MAL: variants seen among roughly 807,000 people sequenced by gnomAD.
MAL encodes the protein myelin and lymphocyte protein.
Under a neutral mutation model 16.7 loss-of-function variants are expected in MAL, and 5 were observed. The observed-to-expected ratio is 0.30, with a 90% confidence interval of 0.16 to 0.63. The LOEUF (loss-of-function observed/expected upper bound fraction) is 0.63. MAL is among the 30% of genes least tolerant of loss of function. The probability of loss-of-function intolerance (pLI) is 0.82; values close to 1 mark genes in which losing one functional copy is unlikely to be tolerated. For missense variants in MAL, 202 were observed against 195.8 expected, an observed-to-expected ratio of 1.03 and a Z score of -0.19; for synonymous variants, 96 against 85.5, an observed-to-expected ratio of 1.12 and a Z score of -0.67.
At chr2:95,037,743 GGTGA>G (rs549327751) in intron 1 of MAL, among the ~76,000 whole-genome samples, 1,262 of 92,450 alleles carry the variant, frequency 0.014, 9 homozygotes, top group Non-Finnish European at 0.021. Context: ...TGACTGAGTG[GGTGA>G]GTGAGTGACT....
rs138435313 is a variant in MAL at position 95,025,813 on chromosome 2, G to T, written c.21G>T (p.Thr7=). 4.7e-5 allele frequency: 74 copies of T among 1,561,458 alleles called. No homozygotes were observed. In the Admixed American group the frequency reaches 6.1e-4, roughly 13 times the overall value. ...CCGTCATGGCCCCCGCAGCGGCGACGGGGGGCAGCACCCTGCCCAGTGGCT... is the reference window on the plus strand; with the variant it reads ...CCGTCATGGCCCCCGCAGCGGCGACTGGGGGCAGCACCCTGCCCAGTGGCT... MAPAAA[T]GGSTLPSGFS... is the part of the protein sequence containing the mutation. Residue 7 remains threonine, a synonymous_variant, in exon 1 of 4, where the codon ACG becomes ACT. Coordinates refer to ENST00000309988, the MANE Select transcript of MAL (RefSeq NM_002371.4). The surrounding 1 kb of genome is among the most constrained non-coding windows in gnomAD (Gnocchi z 5.6).
intron 1 of MAL, among the ~76,000 whole-genome samples, chr2:95,029,128 A>G (rs1172387778): frequency 6.6e-6 from 1 of 152,230 alleles, no homozygotes; most frequent in Non-Finnish European, 1.5e-5. Flanking sequence ...TTTAACAGAC[A>G]CCTACATAAT....
At chr2:95,039,945 T>C (rs1425233338) in intron 1 of MAL, among the ~76,000 whole-genome samples, 1 of 152,140 alleles carries the variant, frequency 6.6e-6, no homozygotes, top group Non-Finnish European at 1.5e-5. Flanking sequence ...CCGCAGGACT[T>C]TGCGGAAGCC....
Position 95,053,509 on chromosome 2 carries a change from C to G in MAL, c.*54C>G. On this transcript the variant is annotated 3_prime_UTR_variant, in exon 4 of 4. Coordinates refer to ENST00000309988, the MANE Select transcript of MAL (RefSeq NM_002371.4). The stretch of plus-strand genomic sequence containing the variant: ...CAGATGGTGTTAACTGGCCGCCCCA[C>G]TTTCCGGCATAACTTTTTAGAAAAC... 7.4e-7 allele frequency: 1 copy of G among 1,358,220 alleles called. No homozygotes were observed. The highest frequency in any genetic ancestry group is 1.1e-6 in the Non-Finnish European group (1 of 948,332). 84.1% of individuals were successfully genotyped at this position (1,358,220 alleles called of 1,614,324 possible).
chr2:95,049,157 A>AGCTGGGTG (rs1674656456), intron 2 of MAL, among the ~76,000 whole-genome samples: 1 of 152,170 alleles, frequency 6.6e-6, no homozygotes, highest in South Asian at 2.1e-4. Context: ...AAAAATAAGC[A>AGCTGGGTG]ATGAAACAAA....
At chr2:95,039,543 A>G (rs1674388020) in intron 1 of MAL, among the ~76,000 whole-genome samples, 1 of 148,674 alleles carries the variant, frequency 6.7e-6, no homozygotes, top group African/African-American at 2.5e-5. Flanking sequence ...TGGGTGAGTG[A>G]GTGACTTGGT....
At chr2:95,044,943 A>G (rs967279558) in intron 1 of MAL, among the ~76,000 whole-genome samples, 1 of 152,228 alleles carries the variant, frequency 6.6e-6, no homozygotes, top group Non-Finnish European at 1.5e-5. Context: ...GTGGAGTGAG[A>G]TGACTCTGCA....
chr2:95,048,401 C>T (rs963717565), intron 2 of MAL, among the ~76,000 whole-genome samples: 5 of 152,164 alleles, frequency 3.3e-5, no homozygotes, highest in African/African-American at 1.2e-4. Context: ...AGCCCCCACA[C>T]CACCTGTACC....
chr2:95,040,384 C>T (rs1276068868), intron 1 of MAL, among the ~76,000 whole-genome samples: 2 of 152,088 alleles, frequency 1.3e-5, no homozygotes, highest in African/African-American at 4.8e-5. Flanking sequence ...TGCACATATA[C>T]ACAAGCATAC....
chr2:95,031,493 A>G (rs1252655059), intron 1 of MAL, among the ~76,000 whole-genome samples: 4 of 152,220 alleles, frequency 2.6e-5, no homozygotes, highest in Non-Finnish European at 5.9e-5. Flanking sequence ...TGGAGCGGAC[A>G]TCTCGAGGCC....
At chr2:95,042,653 A>G (rs1481963751) in intron 1 of MAL, among the ~76,000 whole-genome samples, 1 of 152,210 alleles carries the variant, frequency 6.6e-6, no homozygotes, top group Non-Finnish European at 1.5e-5. Flanking sequence ...AAGTCTGGCC[A>G]GTTGGCAGAA....
rs1171944690 is a variant in MAL at position 95,032,585 on chromosome 2, T to G, written c.93+6700T>G. On this transcript the variant is annotated intron_variant, in intron 1 of 3. Coordinates refer to ENST00000309988, the MANE Select transcript of MAL (RefSeq NM_002371.4). ...TGAGGACAGTGGGGGACTGTGCCCC[T>G]TGTCCTTGAAGCAGGAACGTTCTGG... Among the ~76,000 whole-genome samples, 4 of 152,208 alleles carry G rather than the reference T, an allele frequency of 2.6e-5. No homozygotes were observed. In the East Asian group the frequency reaches 7.7e-4, roughly 29 times the overall value.
intron 1 of MAL, among the ~76,000 whole-genome samples, chr2:95,029,671 C>T (rs540023168): frequency 7.9e-4 from 120 of 152,238 alleles, no homozygotes; most frequent in African/African-American, 2.5e-3. Flanking sequence ...ATCACATTGC[C>T]GTCCAAAAGA....
rs1326762853 is a variant in MAL, at chr2:95,049,562, C to T, written c.262-19C>T. On this transcript the variant is annotated intron_variant, in intron 2 of 3. Transcript: ENST00000309988. ...CGTCTCTCTCTCCCCATCCCTCTGA[C>T]ACCCCGTCTGCCCCATAGGACGCAG... 5 of 1,613,874 alleles carry T rather than the reference C, an allele frequency of 3.1e-6. No individual in the cohort carries two copies. The highest frequency in any genetic ancestry group is 2.7e-5 in the African/African-American group (2 of 75,062).
Position 95,025,997 on chromosome 2 carries a change from T to G in MAL, c.93+112T>G. 1 of 943,778 alleles carries G rather than the reference T, an allele frequency of 1.1e-6. No homozygotes were observed. Among genetic ancestry groups the G allele is most frequent in the Non-Finnish European group, 1.6e-6 (1 of 637,304 alleles). 58.5% of individuals were successfully genotyped at this position (943,778 alleles called of 1,614,324 possible). A position where few individuals can be genotyped will look rare whatever the true frequency, so the allele number is the denominator to read the frequency against. Reference sequence around the variant, plus strand: ...GCTAGCTGCGCAGGTTCTGGGAGCATCGGGGCAGCAGGCGCAGGGCGGGGA... The same window carrying G: ...GCTAGCTGCGCAGGTTCTGGGAGCAGCGGGGCAGCAGGCGCAGGGCGGGGA... On this transcript the variant is annotated intron_variant, in intron 1 of 3. Coordinates refer to ENST00000309988, the MANE Select transcript of MAL (RefSeq NM_002371.4). The surrounding 1 kb of genome is among the most constrained non-coding windows in gnomAD (Gnocchi z 5.6).
chr2:95,028,733 A>G (rs1674009634), intron 1 of MAL, among the ~76,000 whole-genome samples: 1 of 152,248 alleles, frequency 6.6e-6, no homozygotes, highest in Non-Finnish European at 1.5e-5. Flanking sequence ...AAAGGAATGA[A>G]GTACTGATAC....
intron 1 of MAL, among the ~76,000 whole-genome samples, chr2:95,027,618 T>A (rs1398083626): frequency 4.6e-5 from 7 of 152,348 alleles, no homozygotes; most frequent in Non-Finnish European, 1.0e-4. Flanking sequence ...GCATGGACTG[T>A]AAATACGAAG....
Position 95,047,978 on chromosome 2 carries a change from G to T in MAL, c.113G>T (p.Trp38Leu), listed in dbSNP as rs777372192. Residue 38 changes from tryptophan to leucine, a missense_variant, in exon 2 of 4, where the codon TGG becomes TTG. Trp to Leu is a moderately conservative substitution (Grantham distance 61). Transcript: ENST00000309988. ...CCGCAGATCTTCGGGGGCCTGGTGT[G>T]GATCCTGGTGGCCTCCTCCCTGGTG... ...IFEFIFGGLV[W>L]ILVASSLVPW... The T allele has an allele frequency of 6.3e-7, 1 of 1,590,824 alleles. No individual in the cohort carries two copies. The highest frequency in any genetic ancestry group is 2.3e-5 in the East Asian group (1 of 43,918).
chr2:95,030,955 A>C (rs1157834027), intron 1 of MAL, among the ~76,000 whole-genome samples: 1 of 152,182 alleles, frequency 6.6e-6, no homozygotes, highest in Non-Finnish European at 1.5e-5. Context: ...TGGCTGGGGA[A>C]TAGCCAGCCC....
Sources: gnomAD v4.1 joint callset for allele counts (sites outside exome capture counted in the v4.1 genomes callset) on GRCh38, gnomAD v4.1.1 for gene constraint, Gnocchi (gnomAD v3.1) non-coding constraint, MANE v1.5 for transcripts, NCBI Gene and HGNC (gene_info 2026-07-23, HGNC 2026-07-21) for gene names.